Variants in TCF12 observed in about 807,000 individuals in gnomAD.
TCF12 encodes the protein transcription factor 12, also known as DNA-binding protein HTF4.
In TCF12, 45 loss-of-function variants were observed where a neutral mutation model predicts 86.0. The observed-to-expected ratio is 0.52, with a 90% CI of 0.41 to 0.67. TCF12 has a LOEUF of 0.67. TCF12 is among the 30% of genes least tolerant of loss of function. The probability of loss-of-function intolerance (pLI) is 0.00; values close to 1 mark genes in which losing one functional copy is unlikely to be tolerated. For missense variants in TCF12, 881 were observed against 859.9 expected (o/e 1.02, Z -0.31); for synonymous variants, 330 against 299.6 (o/e 1.10, Z -1.05).
At chr15:57,264,195 CTTTTT>C (rs770642915) in intron 18 of TCF12, among the ~76,000 whole-genome samples, 6 of 50,698 alleles carry the variant, frequency 1.2e-4, no homozygotes, top group Admixed American at 7.7e-4. Flanking sequence ...CTTTTGTAAG[CTTTTT>C]TTTTTTTTTT....
At chr15:57,101,430 G>A (rs577904631) in intron 5 of TCF12, among the ~76,000 whole-genome samples, 57 of 152,216 alleles carry the variant, frequency 3.7e-4, no homozygotes, top group Admixed American at 1.3e-3. Flanking sequence ...AGGCTGGTCC[G>A]AACTCTTAGG....
chr15:57,123,968 C>CAAAAAA (rs71113066), intron 5 of TCF12, among the ~76,000 whole-genome samples: 14 of 81,088 alleles, frequency 1.7e-4, no homozygotes, highest in African/African-American at 4.1e-4. Context: ...GACTCCGTCT[C>CAAAAAA]AAAAAAAAAA....
At position 57,160,044 on chromosome 15, in the gene TCF12, G is replaced by A. The variant is rs564152590; in HGVS notation, c.326-6358G>A. Among the ~76,000 whole-genome samples the A allele has an allele frequency of 1.6e-3, 237 of 152,294 alleles. 1 individual carries two copies. The highest frequency in any genetic ancestry group is 5.5e-3 in the African/African-American group (227 of 41,564). ...ATTATTTTCTATTGATAACAACAGA[G>A]CACACACCATGAGAGTATTGTAGAA... On this transcript the variant is annotated intron_variant, in intron 5 of 20. Transcript: ENST00000333725.
intron 16 of TCF12, among the ~76,000 whole-genome samples, chr15:57,255,827 A>G (rs1467250948): frequency 1.3e-5 from 2 of 152,192 alleles, no homozygotes; most frequent in Non-Finnish European, 2.9e-5. Flanking sequence ...TTAGTCTAGA[A>G]AAAATGGTCT....
At chr15:57,173,057 C>A (rs1464421230) in intron 6 of TCF12, among the ~76,000 whole-genome samples, 1 of 152,076 alleles carries the variant, frequency 6.6e-6, no homozygotes, top group Admixed American at 6.5e-5. Context: ...CTGCTGCACT[C>A]CAGCCTGGGC....
intron 3 of TCF12, among the ~76,000 whole-genome samples, chr15:56,932,708 A>G (rs2140278659): frequency 6.6e-6 from 1 of 152,116 alleles, no homozygotes; most frequent in East Asian, 1.9e-4. Context: ...AGCTGGGATT[A>G]CAGGCACCTG....
At chr15:57,076,202 A>G (rs1480938820) in intron 4 of TCF12, among the ~76,000 whole-genome samples, 4 of 152,062 alleles carry the variant, frequency 2.6e-5, no homozygotes, top group Non-Finnish European at 5.9e-5. Flanking sequence ...GAATAAGATC[A>G]TAGTTTCTCA....
chr15:57,188,445 CT>C (rs1383225169), intron 6 of TCF12, among the ~76,000 whole-genome samples: 1 of 151,698 alleles, frequency 6.6e-6, no homozygotes. Context: ...CTTCCAATGG[CT>C]TTTTTTTGCA....
chr15:57,261,208 A>G (rs1268007597), intron 16 of TCF12, among the ~76,000 whole-genome samples: 1 of 152,188 alleles, frequency 6.6e-6, no homozygotes, highest in African/African-American at 2.4e-5. Flanking sequence ...AAAATCCACT[A>G]AATGGCTATG....
chr15:57,075,792 T>C (rs796122949), intron 4 of TCF12, among the ~76,000 whole-genome samples: 187 of 35,080 alleles, frequency 5.3e-3, no homozygotes, highest in African/African-American at 0.017. Context: ...CTTTCTTTCT[T>C]TCTTTCTTTC....
intron 3 of TCF12, among the ~76,000 whole-genome samples, chr15:56,959,339 A>T (rs41472450): frequency 1.3e-5 from 2 of 152,158 alleles, no homozygotes; most frequent in East Asian, 1.9e-4. Context: ...ACAGTAGGAT[A>T]TATCTGCATC....
At chr15:57,144,823 A>G (rs1235177591) in intron 5 of TCF12, among the ~76,000 whole-genome samples, 1 of 152,034 alleles carries the variant, frequency 6.6e-6, no homozygotes, top group African/African-American at 2.4e-5. Context: ...GGTGGTCTTA[A>G]ACTCCTGAGC....
intron 3 of TCF12, among the ~76,000 whole-genome samples, chr15:57,020,204 G>A (rs1232218812): frequency 6.6e-6 from 1 of 152,212 alleles, no homozygotes; most frequent in Non-Finnish European, 1.5e-5. Flanking sequence ...GGACATGTGT[G>A]CCTTATTTAC....
chr15:57,119,173 A>G (rs907178425), intron 5 of TCF12, among the ~76,000 whole-genome samples: 8 of 152,036 alleles, frequency 5.3e-5, no homozygotes, highest in Non-Finnish European at 8.8e-5. Flanking sequence ...GCTCACTGCA[A>G]TCTCCACCTC....
At chr15:57,133,712 T>C (rs962001186) in intron 5 of TCF12, among the ~76,000 whole-genome samples, 1 of 151,948 alleles carries the variant, frequency 6.6e-6, no homozygotes, top group Non-Finnish European at 1.5e-5. Flanking sequence ...ATCCTTTTCC[T>C]CTAAGAACAA....
chr15:57,172,373 A>G (rs1471466375), intron 6 of TCF12, among the ~76,000 whole-genome samples: 1 of 152,204 alleles, frequency 6.6e-6, no homozygotes, highest in Admixed American at 6.5e-5. Flanking sequence ...AACAAAATTA[A>G]CTATCGACAA....
intron 3 of TCF12, among the ~76,000 whole-genome samples, chr15:56,976,798 A>G (rs1186069232): frequency 3.3e-5 from 5 of 152,304 alleles, no homozygotes; most frequent in African/African-American, 1.2e-4. Flanking sequence ...AGTAAAGAAT[A>G]GCAAGGAGAT....
intron 4 of TCF12, among the ~76,000 whole-genome samples, chr15:57,067,059 T>A (rs2068940964): frequency 6.6e-6 from 1 of 152,178 alleles, no homozygotes; most frequent in African/African-American, 2.4e-5. Flanking sequence ...CCCCATTCTT[T>A]CAGAATTAGG....
At chr15:57,196,340 A>G (rs1263544256) in intron 7 of TCF12, among the ~76,000 whole-genome samples, 1 of 152,348 alleles carries the variant, frequency 6.6e-6, no homozygotes, top group East Asian at 1.9e-4. Context: ...GAGGATATGC[A>G]TAGGTTATAT....
Sources: allele counts gnomAD v4.1 joint callset (sites outside exome capture counted in the v4.1 genomes callset), GRCh38; gene constraint gnomAD v4.1.1; transcripts MANE v1.5; gene names NCBI Gene and HGNC (gene_info 2026-07-23, HGNC 2026-07-21).